KIAA1217: variants seen among roughly 807,000 people sequenced by gnomAD.
KIAA1217 encodes the protein KIAA1217.
A neutral mutation model predicts 163.9 loss-of-function variants in KIAA1217; 88 were observed. The observed-to-expected ratio is 0.54, with a 90% CI of 0.45 to 0.64. KIAA1217 has a LOEUF of 0.64. Among genes scored for constraint, KIAA1217 ranks in the 30% least tolerant of loss-of-function variants. The pLI is 0.00. For missense variants in KIAA1217, 2,372 were observed against 2,475.0 expected (o/e 0.96, Z 0.88); for synonymous variants, 903 against 923.1 (o/e 0.98, Z 0.39).
At chr10:24,482,235 T>A (rs1485379694) in intron 6 of KIAA1217, 1 of 152,210 alleles carries the variant, frequency 6.6e-6, no homozygotes, top group Non-Finnish European at 1.5e-5. Flanking sequence ...AAAGGCGTCG[T>A]CTGTCACTAA....
At chr10:24,258,076 G>A (rs2075348537) in intron 2 of KIAA1217, among the ~76,000 whole-genome samples, 1 of 152,122 alleles carries the variant, frequency 6.6e-6, no homozygotes, top group Admixed American at 6.5e-5. Flanking sequence ...AGCTACTTGG[G>A]AGGCTGAGGT....
chr10:24,477,542 A>C (rs555330707), intron 6 of KIAA1217, among the ~76,000 whole-genome samples: 2 of 152,382 alleles, frequency 1.3e-5, no homozygotes, highest in African/African-American at 4.8e-5. Context: ...GTGAATTCTA[A>C]ACATTTCAAC....
chr10:24,289,670 G>A (rs934851811), intron 2 of KIAA1217, among the ~76,000 whole-genome samples: 4 of 152,152 alleles, frequency 2.6e-5, no homozygotes, highest in Admixed American at 1.3e-4. Flanking sequence ...TTCCGTGTGG[G>A]AAGGAGAGGG....
intron 1 of KIAA1217, among the ~76,000 whole-genome samples, chr10:23,795,901 G>C (rs1836177736): frequency 6.6e-6 from 1 of 152,176 alleles, no homozygotes; most frequent in South Asian, 2.1e-4. Context: ...AACACCTTGT[G>C]ACTCTGACTT....
At position 23,912,109 on chromosome 10, in the gene KIAA1217, T is replaced by C. The variant is rs1842457583; in HGVS notation, c.-320-95116T>C. ...AAATAAAGTCTCCTGGCTCCCCAGT[T>C]TTGAGGAGAACTTTAAGTGCAATTG... On this transcript the variant is annotated intron_variant, in intron 1 of 18. Transcript: ENST00000376462. Among the ~76,000 whole-genome samples the C allele has an allele frequency of 3.3e-5, 5 of 152,106 alleles. 1 individual carries two copies. The highest frequency in any genetic ancestry group is 2.6e-4 in the Admixed American group (4 of 15,268).
chr10:24,505,612 G>C (rs1224761237), intron 9 of KIAA1217, among the ~76,000 whole-genome samples: 1 of 152,008 alleles, frequency 6.6e-6, no homozygotes, highest in Non-Finnish European at 1.5e-5. Context: ...GATGGTACAG[G>C]TTCTGTGGAG....
At chr10:23,731,587 C>G (rs1406584847) in intron 1 of KIAA1217, among the ~76,000 whole-genome samples, 1 of 152,028 alleles carries the variant, frequency 6.6e-6, no homozygotes, top group African/African-American at 2.4e-5. Flanking sequence ...AAAGCCTAAG[C>G]CCGGTTAGGG....
At chr10:23,733,906 C>G (rs756998910) in intron 1 of KIAA1217, among the ~76,000 whole-genome samples, 1 of 151,970 alleles carries the variant, frequency 6.6e-6, no homozygotes, top group African/African-American at 2.4e-5. Flanking sequence ...ATAAATTGTT[C>G]TTTGTTACTT....
At position 23,912,442 on chromosome 10, in the gene KIAA1217, G is replaced by A. The variant is rs532500167; in HGVS notation, c.-320-94783G>A. Reference sequence around the variant, plus strand: ...TTGGTGTACCCATCATCTAAATAGCGAACATTGTACCCAAGAGGTACTTTT... The same window carrying A: ...TTGGTGTACCCATCATCTAAATAGCAAACATTGTACCCAAGAGGTACTTTT... On this transcript the variant is annotated intron_variant, in intron 1 of 18. Coordinates refer to the KIAA1217 transcript ENST00000376462. Among the ~76,000 whole-genome samples, 18 of 151,816 alleles carry A rather than the reference G, an allele frequency of 1.2e-4. No homozygotes were observed. In the South Asian group the frequency reaches 3.3e-3, roughly 28 times the overall value.
At chr10:24,174,614 G>A (rs1293935634) in intron 2 of KIAA1217, among the ~76,000 whole-genome samples, 1 of 152,180 alleles carries the variant, frequency 6.6e-6, no homozygotes, top group African/African-American at 2.4e-5. Context: ...CCAGAACTAT[G>A]AGAAAATAAA....
intron 1 of KIAA1217, among the ~76,000 whole-genome samples, chr10:23,906,467 T>A (rs1842168231): frequency 6.6e-6 from 1 of 152,148 alleles, no homozygotes; most frequent in South Asian, 2.1e-4. Context: ...GGTTTTTTAT[T>A]GTTATGTGTG....
chr10:24,158,711 A>T, intron 2 of KIAA1217: 1 of 507,116 alleles, frequency 2.0e-6, no homozygotes, highest in East Asian at 5.1e-5. Context: ...GCATACAAAG[A>T]TTCTACTAGT....
chr10:24,236,131 A>C (rs2072219132), intron 2 of KIAA1217, among the ~76,000 whole-genome samples: 1 of 151,922 alleles, frequency 6.6e-6, no homozygotes, highest in African/African-American at 2.4e-5. Flanking sequence ...GTGAGGCTTA[A>C]ATGAGATAAG....
intron 2 of KIAA1217, among the ~76,000 whole-genome samples, chr10:24,081,069 T>C (rs1322161060): frequency 1.3e-5 from 2 of 152,178 alleles, no homozygotes; most frequent in Non-Finnish European, 2.9e-5. Flanking sequence ...AATGATTGTG[T>C]TGTAGATGAG....
intron 1 of KIAA1217, among the ~76,000 whole-genome samples, chr10:23,890,895 T>A (rs904121437): frequency 5.3e-5 from 8 of 152,008 alleles, no homozygotes; most frequent in African/African-American, 1.9e-4. Flanking sequence ...TTGTCGGTTT[T>A]AGCTTATAAA....
chr10:23,707,358 A>G (rs1836957879), intron 1 of KIAA1217, among the ~76,000 whole-genome samples: 1 of 152,122 alleles, frequency 6.6e-6, no homozygotes, highest in Non-Finnish European at 1.5e-5. Context: ...GGAGAAAGTA[A>G]AAAGAACCAG....
chr10:24,272,638 G>C (rs758631802), intron 2 of KIAA1217, among the ~76,000 whole-genome samples: 41 of 152,310 alleles, frequency 2.7e-4, no homozygotes, highest in Non-Finnish European at 5.1e-4. Flanking sequence ...TGAGATAGCT[G>C]TTCAAATAGT....
intron 2 of KIAA1217, among the ~76,000 whole-genome samples, chr10:24,334,438 T>TGGAA (rs60016533): frequency 0.24 from 19,565 of 81,876 alleles, 1,744 homozygotes; most frequent in Non-Finnish European, 0.32. Flanking sequence ...GAGGGAAGGA[T>TGGAA]GGAAGGAAGG....
intron 2 of KIAA1217, among the ~76,000 whole-genome samples, chr10:24,344,077 T>C (rs1223060725): frequency 6.6e-6 from 1 of 152,224 alleles, no homozygotes; most frequent in Non-Finnish European, 1.5e-5. Context: ...CCTCTTTGTT[T>C]CCATTTTCTC....
Sources: gnomAD v4.1 joint callset for allele counts (sites outside exome capture counted in the v4.1 genomes callset) on GRCh38, gnomAD v4.1.1 for gene constraint, MANE v1.5 for transcripts, NCBI Gene and HGNC (gene_info 2026-07-23, HGNC 2026-07-21) for gene names.